Variants in PPP2R5C observed in about 807,000 individuals in gnomAD.
PPP2R5C encodes serine/threonine-protein phosphatase 2A 56 kDa regulatory subunit gamma isoform.
A neutral mutation model predicts 68.9 loss-of-function variants in PPP2R5C; 7 were observed. The observed-to-expected ratio is 0.10, with a 90% CI of 0.06 to 0.19. The LOEUF (loss-of-function observed/expected upper bound fraction) is 0.19. PPP2R5C is among the 10% of genes least tolerant of loss of function. PPP2R5C has a pLI of 1.00. For missense variants in PPP2R5C, 348 were observed against 641.3 expected (o/e 0.54, Z 4.94); for synonymous variants, 210 against 222.2 (o/e 0.95, Z 0.49).
intron 1 of PPP2R5C, among the ~76,000 whole-genome samples, chr14:101,852,303 C>A (rs1488921212): frequency 6.6e-6 from 1 of 152,066 alleles, no homozygotes; most frequent in African/African-American, 2.4e-5. Context: ...ACTGTTGGGA[C>A]CAGGAGCATG....
At chr14:101,925,351 A>G in exon 14 of PPP2R5C, 2 of 1,560,042 alleles carry the variant, frequency 1.3e-6, no homozygotes, top group African/African-American at 1.4e-5. Flanking sequence ...CCTGTGCCAT[A>G]CCAATCAGTT....
At chr14:101,828,653 CTT>C (rs914992044) in intron 1 of PPP2R5C, among the ~76,000 whole-genome samples, 3 of 149,324 alleles carry the variant, frequency 2.0e-5, no homozygotes, top group African/African-American at 7.4e-5. Flanking sequence ...TTAATTAACA[CTT>C]AACTGAAATT....
At chr14:101,836,619 G>T (rs1259666288) in intron 1 of PPP2R5C, 1 of 481,014 alleles carries the variant, frequency 2.1e-6, no homozygotes, top group East Asian at 3.2e-5. Flanking sequence ...AAAGCTTAAA[G>T]ATTATTTCTA....
intron 2 of PPP2R5C, among the ~76,000 whole-genome samples, chr14:101,784,433 A>G (rs922483303): frequency 1.3e-5 from 2 of 151,856 alleles, no homozygotes; most frequent in African/African-American, 4.8e-5. Flanking sequence ...GGGAGGCCTC[A>G]GGAAACTTAC....
At chr14:101,902,514 T>TC (rs1386894684) in intron 9 of PPP2R5C, among the ~76,000 whole-genome samples, 1 of 151,956 alleles carries the variant, frequency 6.6e-6, no homozygotes, top group African/African-American at 2.4e-5. Flanking sequence ...TCCTTTTGCA[T>TC]CATTGAGCGG....
At chr14:101,761,845 G>C (rs1235393815), upstream of PPP2R5C, 3 of 1,032,800 alleles carry the variant, frequency 2.9e-6, no homozygotes, top group African/African-American at 1.8e-5. Context: ...GCTGCTGCGG[G>C]GGCAGGCGGC....
intron 2 of PPP2R5C, among the ~76,000 whole-genome samples, chr14:101,881,896 G>T (rs181836054): frequency 2.0e-5 from 3 of 152,298 alleles, no homozygotes; most frequent in Admixed American, 6.5e-5. Flanking sequence ...TGTTGGTGTT[G>T]GTTGTCATTC....
At chr14:101,817,178 G>A (rs963587777) in intron 1 of PPP2R5C, among the ~76,000 whole-genome samples, 1 of 151,528 alleles carries the variant, frequency 6.6e-6, no homozygotes, top group Non-Finnish European at 1.5e-5. Context: ...GGATTGTCTC[G>A]ATCTCCTGAC....
intron 2 of PPP2R5C, among the ~76,000 whole-genome samples, chr14:101,863,771 G>A (rs745693561): frequency 2.0e-4 from 31 of 152,158 alleles, no homozygotes; most frequent in Non-Finnish European, 3.4e-4. Context: ...GGTGGCAGGC[G>A]CCTGTAATCC....
At chr14:101,844,799 G>A (rs909709820) in intron 1 of PPP2R5C, among the ~76,000 whole-genome samples, 12 of 152,206 alleles carry the variant, frequency 7.9e-5, no homozygotes, top group Non-Finnish European at 1.6e-4. Flanking sequence ...CTTGTCAAAT[G>A]TTAAGAGCTG....
At chr14:101,859,947 AGTT>A (rs993630697) in intron 2 of PPP2R5C, among the ~76,000 whole-genome samples, 7 of 150,788 alleles carry the variant, frequency 4.6e-5, no homozygotes, top group African/African-American at 1.5e-4. Flanking sequence ...AAAGCTTTAT[AGTT>A]GTTGTACTCC....
Position 101,882,379 on chromosome 14 carries a change from A to G in PPP2R5C, c.405+108A>G, listed in dbSNP as rs1595460673. ...CTGGCCAGATGGACCTCTCCTCCTCAGTAGCATGGGCCTCGTAAACCCATA... is the reference window on the plus strand; with the variant it reads ...CTGGCCAGATGGACCTCTCCTCCTCGGTAGCATGGGCCTCGTAAACCCATA... On this transcript the variant is annotated intron_variant, in intron 3 of 13. Coordinates refer to ENST00000334743, the Ensembl canonical transcript of PPP2R5C. The surrounding 1 kb of genome is among the most constrained non-coding windows in gnomAD (Gnocchi z 4.9). 2 of 713,934 alleles carry G rather than the reference A, an allele frequency of 2.8e-6. No homozygotes were observed. Among genetic ancestry groups the G allele is most frequent in the South Asian group, 2.2e-5 (1 of 46,380 alleles). 44.2% of individuals were successfully genotyped at this position (713,934 alleles called of 1,614,324 possible). A position where few individuals can be genotyped will look rare whatever the true frequency, so the allele number is the denominator to read the frequency against.
chr14:101,782,567 T>C (rs1595147434), intron 2 of PPP2R5C, among the ~76,000 whole-genome samples: 1 of 4 alleles, frequency 0.25, no homozygotes, highest in Admixed American at 0.5. Flanking sequence ...TCCCCTTCCC[T>C]CTCTCTCCCC....
At chr14:101,840,627 G>GC (rs1001195561) in intron 1 of PPP2R5C, among the ~76,000 whole-genome samples, 14 of 151,852 alleles carry the variant, frequency 9.2e-5, no homozygotes, top group African/African-American at 1.7e-4. Context: ...AAACAGATTG[G>GC]CCCCCCCATG....
rs1163779130 is a variant in PPP2R5C, at chr14:101,888,249, C to T, written c.630-1988C>T. Among the ~76,000 whole-genome samples the T allele has an allele frequency of 6.6e-6, 1 of 151,936 alleles. No individual in the cohort carries two copies. ...AGAGGAATAGTAAACTGAAGCCACA[C>T]GGCTGCCGTGTATGCAAAGGGAGCC... is the stretch of plus-strand genomic sequence containing the variant. On this transcript the variant is annotated intron_variant, in intron 5 of 13. Coordinates refer to ENST00000334743, the Ensembl canonical transcript of PPP2R5C. The surrounding 1 kb of genome is among the most constrained non-coding windows in gnomAD (Gnocchi z 5.6).
At chr14:101,762,951 A>C in exon 2 of PPP2R5C, 1 of 1,579,808 alleles carries the variant, frequency 6.3e-7, no homozygotes, top group East Asian at 2.3e-5. Context: ...AAAGAAGGAC[A>C]AGACACAGTA....
chr14:101,865,234 G>A (rs1178925008), intron 2 of PPP2R5C, among the ~76,000 whole-genome samples: 1 of 152,158 alleles, frequency 6.6e-6, no homozygotes, highest in African/African-American at 2.4e-5. Context: ...CACTCACAAG[G>A]GAGTTTACCA....
upstream of PPP2R5C, among the ~76,000 whole-genome samples, chr14:101,808,561 T>C (rs61994039): frequency 0.14 from 20,966 of 152,240 alleles, 1,600 homozygotes; most frequent in Admixed American, 0.19. Context: ...TGAAGGGCGG[T>C]AGCAGTTCCC....
At chr14:101,765,949 C>A (rs1277079463) in intron 2 of PPP2R5C, 1 of 152,370 alleles carries the variant, frequency 6.6e-6, no homozygotes, top group Non-Finnish European at 1.5e-5. Flanking sequence ...ACCCAGTGAA[C>A]TCACCTTCTG....
Sources: gnomAD v4.1 joint callset for allele counts (sites outside exome capture counted in the v4.1 genomes callset) on GRCh38, gnomAD v4.1.1 for gene constraint, Gnocchi (gnomAD v3.1) non-coding constraint, MANE v1.5 for transcripts, NCBI Gene and HGNC (gene_info 2026-07-23, HGNC 2026-07-21) for gene names.